The following RIPOR2 variants were observed in gnomAD, a reference collection of about 807,000 sequenced individuals.
RIPOR2 encodes the protein RHO family interacting cell polarization regulator 2.
RIPOR2 carries 39 observed loss-of-function variants against 114.5 expected under a neutral mutation model. The ratio of observed to expected loss-of-function variants is 0.34; its 90% CI spans 0.26 to 0.44. The LOEUF (loss-of-function observed/expected upper bound fraction) is 0.44, where lower values mean the gene tolerates loss of function less well. Ranked by LOEUF, RIPOR2 falls within the 20% of genes least tolerant of loss-of-function variation. The pLI is 1.00. For synonymous variants in RIPOR2, 445 were observed against 484.4 expected (o/e 0.92, Z 1.07); for missense variants, 1,007 against 1,255.1 (o/e 0.80, Z 2.99).
At chr6:24,953,518 A>G (rs1437407465) in intron 1 of RIPOR2, among the ~76,000 whole-genome samples, 3 of 152,216 alleles carry the variant, frequency 2.0e-5, no homozygotes, top group Non-Finnish European at 4.4e-5. Context: ...AGCTCTCACC[A>G]GAAAGCGAAT....
intron 1 of RIPOR2, among the ~76,000 whole-genome samples, chr6:24,906,306 G>T (rs962900939): frequency 4.6e-5 from 7 of 152,148 alleles, no homozygotes; most frequent in Admixed American, 1.3e-4. Context: ...GACCCTCTGT[G>T]CCTTCAGGGA....
intron 13 of RIPOR2, chr6:24,840,036 A>G (rs1458129898): frequency 4.8e-6 from 4 of 837,374 alleles, no homozygotes; most frequent in Non-Finnish European, 5.7e-6. Flanking sequence ...TGCAGCCTCA[A>G]TCTCCCGGGC....
At position 25,040,281 on chromosome 6, in the gene RIPOR2, A is replaced by C. The variant is rs571999231; in HGVS notation, c.76+1570T>G. On this transcript the variant is annotated intron_variant, in intron 1 of 13. Transcript: ENST00000510784. ...CAGGTGCCCACCACCACGCCTGGCT[A>C]ATTTTTGTATTTTTAGTAGAGATGG... 4.6e-5 allele frequency among the ~76,000 whole-genome samples: 7 copies of C among 152,036 alleles called. No individual in the cohort carries two copies. In the South Asian group the frequency reaches 1.0e-3, roughly 23 times the overall value.
rs147540105 is a variant in RIPOR2, at chr6:25,029,587, C to T, written c.76+12264G>A. ...CAGGGGCAAGACCAGGAAGCAAGTC[C>T]CATACCCTGAGCTGGGACCCTCCGT... On this transcript the variant is annotated intron_variant, in intron 1 of 13. Coordinates refer to the RIPOR2 transcript ENST00000510784. Among the ~76,000 whole-genome samples, 362 of 151,926 alleles carry T rather than the reference C, an allele frequency of 2.4e-3. 1 individual carries two copies. The highest frequency in any genetic ancestry group is 3.1e-3 in the Non-Finnish European group (209 of 67,944).
At chr6:24,916,319 G>T (rs958937081) in intron 1 of RIPOR2, among the ~76,000 whole-genome samples, 2 of 152,160 alleles carry the variant, frequency 1.3e-5, no homozygotes, top group Non-Finnish European at 2.9e-5. Context: ...GAGTCCTCTT[G>T]TAAGTCATCT....
At chr6:25,007,907 C>T (rs531126436) in intron 1 of RIPOR2, among the ~76,000 whole-genome samples, 1 of 152,236 alleles carries the variant, frequency 6.6e-6, no homozygotes, top group Admixed American at 6.5e-5. Context: ...CCCTAGTTTG[C>T]CCCCGACCTC....
In RIPOR2 at chr6:24,872,754, G is replaced by A. The variant is rs943759494; in HGVS notation, c.423+127C>T. On this transcript the variant is annotated intron_variant, in intron 4 of 21. Transcript: ENST00000643898. ...TTTTTCCTTCTAAGACATACTGGGGGATGCAGATAGTACTCTGCCCCTTGG... is the reference window on the plus strand; with the variant it reads ...TTTTTCCTTCTAAGACATACTGGGGAATGCAGATAGTACTCTGCCCCTTGG... 124 of 600,020 alleles carry A rather than the reference G, an allele frequency of 2.1e-4. No homozygotes were observed. In the Admixed American group the frequency reaches 3.5e-3, roughly 17 times the overall value. The allele number at this position is 600,020 out of a possible 1,614,324, so 37.2% of individuals were successfully genotyped here.
Position 25,022,531 on chromosome 6 carries a change from C to CTTT in RIPOR2, c.76+19319_76+19320insAAA, listed in dbSNP as rs1561848668. Among the ~76,000 whole-genome samples the CTTT allele has an allele frequency of 4.2e-3, 269 of 64,490 alleles. 26 individuals carry two copies. The highest frequency in any genetic ancestry group is 0.012 in the Middle Eastern group (1 of 86). 42.3% of individuals were successfully genotyped at this position (64,490 alleles called of 152,430 possible). A position where few individuals can be genotyped will look rare whatever the true frequency, so the allele number is the denominator to read the frequency against. On this transcript the variant is annotated intron_variant, in intron 1 of 13. Coordinates refer to the RIPOR2 transcript ENST00000510784. The stretch of plus-strand genomic sequence containing the variant: ...CACATATAACTAATGTGGTACCTTC[C>CTTT]ATTTTTTTTTTTTTTTTTTTTTTTT...
chr6:24,839,398 TAA>T, intron 13 of RIPOR2, 126 bp from the exon 14 acceptor site: 1 of 1,436,318 alleles, frequency 7.0e-7, no homozygotes. Flanking sequence ...TGTTAGCATT[TAA>T]AAAATGCATT....
chr6:24,964,147 C>CGGTGTGTGTGTGTG (rs1554125458), intron 1 of RIPOR2, among the ~76,000 whole-genome samples: 1 of 146,604 alleles, frequency 6.8e-6, no homozygotes, highest in African/African-American at 2.6e-5. Flanking sequence ...GACATTGGCT[C>CGGTGTGTGTGTGTG]TGTGTGTGTG....
At chr6:24,833,398 G>A (rs561551269) in intron 15 of RIPOR2, among the ~76,000 whole-genome samples, 16 of 152,228 alleles carry the variant, frequency 1.1e-4, no homozygotes, top group Non-Finnish European at 2.1e-4. Context: ...CTACTCAGGA[G>A]GCTGAGGCAG....
At chr6:24,918,984 C>T (rs1320173458) in intron 1 of RIPOR2, among the ~76,000 whole-genome samples, 1 of 152,218 alleles carries the variant, frequency 6.6e-6, no homozygotes, top group African/African-American at 2.4e-5. Context: ...CCAACTAACA[C>T]ACATTTTATG....
Position 24,883,575 on chromosome 6 carries a change from T to C in RIPOR2, c.62-7758A>G, listed in dbSNP as rs1477519080. Among the ~76,000 whole-genome samples, 2 of 152,150 alleles carry C rather than the reference T, an allele frequency of 1.3e-5. No individual in the cohort carries two copies. The highest frequency in any genetic ancestry group is 4.8e-5 in the African/African-American group (2 of 41,422). ...TATAAATTTACTAAAACTCAAACTG[T>C]CCACTTAAGATGAGTAAATTTTATG... On this transcript the variant is annotated intron_variant, in intron 1 of 21. Transcript: ENST00000643898. This position sits in a 1 kb window ranked among gnomAD's most constrained non-coding sequence, Gnocchi z 4.1.
chr6:24,823,409 C>T (rs528013060), intron 19 of RIPOR2, among the ~76,000 whole-genome samples: 7 of 152,206 alleles, frequency 4.6e-5, no homozygotes, highest in Non-Finnish European at 1.0e-4. Context: ...TAGCATCGAC[C>T]TTGTTAGAGA....
At chr6:24,952,314 TCCAG>T (rs1168843928) in intron 1 of RIPOR2, among the ~76,000 whole-genome samples, 1 of 152,186 alleles carries the variant, frequency 6.6e-6, no homozygotes, top group Admixed American at 6.5e-5. Context: ...CATCCATTCA[TCCAG>T]CCAGTCAGAC....
chr6:24,893,112 A>G (rs1026567392), intron 1 of RIPOR2, among the ~76,000 whole-genome samples: 2 of 152,200 alleles, frequency 1.3e-5, no homozygotes, highest in Non-Finnish European at 2.9e-5. Context: ...AGAGGTCTGA[A>G]TTTGCTTTAA....
At chr6:24,928,267 G>C (rs1771112324) in intron 1 of RIPOR2, among the ~76,000 whole-genome samples, 1 of 152,126 alleles carries the variant, frequency 6.6e-6, no homozygotes, top group Admixed American at 6.5e-5. Context: ...TTTATCTGAA[G>C]GCAGTTAAGA....
intron 1 of RIPOR2, among the ~76,000 whole-genome samples, chr6:25,011,144 C>T (rs747684440): frequency 6.6e-6 from 1 of 152,092 alleles, no homozygotes; most frequent in Non-Finnish European, 1.5e-5. Flanking sequence ...AAGAATTTGG[C>T]AATGAGCAGT....
At chr6:24,916,019 G>T (rs1561771047) in intron 1 of RIPOR2, among the ~76,000 whole-genome samples, 1 of 152,202 alleles carries the variant, frequency 6.6e-6, no homozygotes. Flanking sequence ...CTATTTTAGT[G>T]TTGCCAGTAG....
Sources: gnomAD v4.1 joint callset for allele counts (sites outside exome capture counted in the v4.1 genomes callset) on GRCh38, gnomAD v4.1.1 for gene constraint, Gnocchi (gnomAD v3.1) non-coding constraint, MANE v1.5 for transcripts, NCBI Gene and HGNC (gene_info 2026-07-23, HGNC 2026-07-21) for gene names.